The following AKAP13 variants were observed in gnomAD, a reference collection of about 807,000 sequenced individuals.
AKAP13 encodes A-kinase anchor protein 13.
In AKAP13, 80 loss-of-function variants were observed where a neutral mutation model predicts 264.5. The observed-to-expected ratio is 0.30, with a 90% CI of 0.25 to 0.36. AKAP13 has a LOEUF of 0.36. Among genes scored for constraint, AKAP13 ranks in the 10% least tolerant of loss-of-function variants. The probability of loss-of-function intolerance (pLI) is 1.00; values close to 1 mark genes in which losing one functional copy is unlikely to be tolerated. For missense variants in AKAP13, 3,712 were observed against 3,435.2 expected (o/e 1.08, Z -2.01); for synonymous variants, 1,380 against 1,250.2 (o/e 1.10, Z -2.19).
chr15:85,718,221 T>C lies in AKAP13; in HGVS notation c.6001+62T>C. 1.3e-6 allele frequency: 2 copies of C among 1,577,210 alleles called. No individual in the cohort carries two copies. The highest frequency in any genetic ancestry group is 1.7e-6 in the Non-Finnish European group (2 of 1,157,866). On this transcript the variant is annotated intron_variant, in intron 22 of 36. Transcript: ENST00000394518. This position sits in a 1 kb window ranked among gnomAD's most constrained non-coding sequence, Gnocchi z 4.9. The stretch of plus-strand genomic sequence containing the variant: ...TCCATTGTCCAGCATTTTTAAGCAG[T>C]AATTTGTTGGACTATGAAAAATCAG...
chr15:85,435,523 C>G (rs1332933671), intron 1 of AKAP13, among the ~76,000 whole-genome samples: 1 of 62,598 alleles, frequency 1.6e-5, no homozygotes, highest in African/African-American at 6.4e-5. Flanking sequence ...GTCAGATTCA[C>G]CAAAGTTGAA....
intron 4 of AKAP13, among the ~76,000 whole-genome samples, chr15:85,540,831 G>T (rs981978078): frequency 1.3e-5 from 2 of 152,210 alleles, no homozygotes; most frequent in Non-Finnish European, 2.9e-5. Context: ...AAAACTGGGG[G>T]TATATGCATG....
intron 12 of AKAP13, among the ~76,000 whole-genome samples, chr15:85,663,047 C>T (rs1567181764): frequency 6.6e-6 from 1 of 152,178 alleles, no homozygotes; most frequent in African/African-American, 2.4e-5. Flanking sequence ...TGGTGGCTCA[C>T]ACCTGTAATC....
At chr15:85,729,155 T>C (rs897815882) in intron 29 of AKAP13, among the ~76,000 whole-genome samples, 4 of 151,614 alleles carry the variant, frequency 2.6e-5, no homozygotes, top group East Asian at 3.9e-4. Flanking sequence ...AAAAATTAGC[T>C]GGGCGTGGTG....
rs565712871 is a variant in AKAP13 at position 85,517,108 on chromosome 15, A to G, written c.34-4320A>G. On this transcript the variant is annotated intron_variant, in intron 2 of 36. Transcript: ENST00000394518. ...CTACACAAGCCAGCTCCAGTATACCACTGTGATTTCTTTGCTGCTGACTGG... is the reference window on the plus strand; with the variant it reads ...CTACACAAGCCAGCTCCAGTATACCGCTGTGATTTCTTTGCTGCTGACTGG... Among the ~76,000 whole-genome samples, 10 of 152,252 alleles carry G rather than the reference A, an allele frequency of 6.6e-5. No individual in the cohort carries two copies. The South Asian group carries it at 2.1e-3, about 32-fold the overall frequency.
intron 8 of AKAP13, among the ~76,000 whole-genome samples, chr15:85,591,488 C>A (rs1567144124): frequency 6.6e-6 from 1 of 152,182 alleles, no homozygotes; most frequent in East Asian, 1.9e-4. Flanking sequence ...CAACTAAATA[C>A]CACTAAGATG....
At chr15:85,705,092 A>C (rs932431165) in intron 17 of AKAP13, among the ~76,000 whole-genome samples, 19 of 152,220 alleles carry the variant, frequency 1.2e-4, no homozygotes, top group Non-Finnish European at 2.6e-4. Context: ...GACATGTTTC[A>C]ATTAATTAAA....
chr15:85,656,793 A>T (rs1427150569), intron 11 of AKAP13, among the ~76,000 whole-genome samples: 1 of 152,220 alleles, frequency 6.6e-6, no homozygotes, highest in East Asian at 1.9e-4. Flanking sequence ...ATGTAAGCAG[A>T]TGGTTTTAGC....
intron 8 of AKAP13, among the ~76,000 whole-genome samples, chr15:85,609,192 C>T (rs2080486524): frequency 6.6e-6 from 1 of 152,116 alleles, no homozygotes; most frequent in Admixed American, 6.5e-5. Context: ...CTATAGTCAC[C>T]CTTCGGTGTG....
At chr15:85,538,176 T>C (rs563378287) in intron 4 of AKAP13, among the ~76,000 whole-genome samples, 33 of 152,246 alleles carry the variant, frequency 2.2e-4, no homozygotes, top group African/African-American at 7.7e-4. Context: ...TCCCAGGTAA[T>C]GTAGGGTGGG....
chr15:85,512,621 A>G (rs1458301327), intron 2 of AKAP13, among the ~76,000 whole-genome samples: 1 of 152,152 alleles, frequency 6.6e-6, no homozygotes, highest in Non-Finnish European at 1.5e-5. Context: ...CTAGCTTTTT[A>G]AAGGCAAGAT....
At position 85,580,691 on chromosome 15, in the gene AKAP13, C is replaced by G. The variant is rs1355897973; in HGVS notation, c.2623C>G (p.Pro875Ala). 1.9e-6 allele frequency: 3 copies of G among 1,614,178 alleles called. No individual in the cohort carries two copies. Among genetic ancestry groups the G allele is most frequent in the Non-Finnish European group, 1.7e-6 (2 of 1,180,030 alleles). ...LTGLGGEHEG[P>A]APPAIPEALN... The stretch of plus-strand genomic sequence containing the variant: ...AGGACTTGGTGGAGAGCATGAGGGT[C>G]CCGCCCCTCCAGCAATCCCAGAAGC... The change falls in exon 7 of 37, where the codon CCC becomes GCC. Residue 875 changes from proline to alanine, a missense_variant. By Grantham distance (27) the Pro-to-Ala change is conservative. Coordinates refer to ENST00000394518, the MANE Select transcript of AKAP13 (RefSeq NM_007200.5).
chr15:85,659,774 A>G (rs1326208962), intron 12 of AKAP13, among the ~76,000 whole-genome samples: 2 of 152,208 alleles, frequency 1.3e-5, no homozygotes, highest in African/African-American at 4.8e-5. Flanking sequence ...CCCTAGTGAA[A>G]CTTATTTTTG....
rs1286873479 is a variant in AKAP13, at chr15:85,741,249, G to A, written c.7812G>A (p.Glu2604=). ...AGGAGAAGCGCAGGCGCGAGCGTGA[G>A]TGGGAAGCTCGTGAGAGGGAGCTGC... is the stretch of plus-strand genomic sequence containing the variant. ...YLEEKRRRER[E]WEARERELRE... Residue 2604 remains glutamate (E), a synonymous_variant, in exon 35 of 37, where the codon GAG becomes GAA. Coordinates refer to ENST00000394518, the MANE Select transcript of AKAP13 (RefSeq NM_007200.5). The A allele has an allele frequency of 1.2e-6, 2 of 1,609,608 alleles. No homozygotes were observed. The highest frequency in any genetic ancestry group is 2.7e-5 in the African/African-American group (2 of 74,860).
chr15:85,735,529 A>T, intron 31 of AKAP13, 31 bp from the exon 32 acceptor site: 9 of 1,222,278 alleles, frequency 7.4e-6, no homozygotes, highest in Admixed American at 2.3e-5. Context: ...TCACAACTTT[A>T]AAAAAAAAAA....
intron 14 of AKAP13, among the ~76,000 whole-genome samples, chr15:85,681,123 G>C (rs538159000): frequency 1.3e-5 from 2 of 152,252 alleles, no homozygotes; most frequent in South Asian, 4.1e-4. Context: ...TGGCCCAAAT[G>C]CTGGTAGTCT....
intron 4 of AKAP13, among the ~76,000 whole-genome samples, chr15:85,541,469 A>T (rs2077578864): frequency 6.6e-6 from 1 of 152,224 alleles, no homozygotes; most frequent in Non-Finnish European, 1.5e-5. Flanking sequence ...GTTGGAAGAA[A>T]ACATAAAAAG....
chr15:85,595,360 A>G (rs2079772291), intron 8 of AKAP13, among the ~76,000 whole-genome samples: 1 of 152,078 alleles, frequency 6.6e-6, no homozygotes, highest in African/African-American at 2.4e-5. Flanking sequence ...CAGCCTCCCA[A>G]AGTGCTGGGA....
intron 1 of AKAP13, among the ~76,000 whole-genome samples, chr15:85,401,144 G>A (rs2071403742): frequency 6.6e-6 from 1 of 151,972 alleles, no homozygotes; most frequent in African/African-American, 2.4e-5. Flanking sequence ...TTATAGACAC[G>A]AGCCACTGTG....
Sources: allele counts gnomAD v4.1 joint callset (sites outside exome capture counted in the v4.1 genomes callset), GRCh38; gene constraint gnomAD v4.1.1; non-coding constraint Gnocchi (gnomAD v3.1); transcripts MANE v1.5; gene names NCBI Gene and HGNC (gene_info 2026-07-23, HGNC 2026-07-21).